LRP1B: variants seen among roughly 807,000 people sequenced by gnomAD.
The protein encoded by LRP1B is LDL receptor related protein 1B.
A neutral mutation model predicts 556.6 loss-of-function variants in LRP1B; 217 were observed. That is an observed-to-expected ratio of 0.39 (90% CI 0.35 to 0.44). LRP1B has a LOEUF of 0.44. Among genes scored for constraint, LRP1B ranks in the 20% least tolerant of loss-of-function variants. The pLI is 1.00. For missense variants in LRP1B, 5,053 were observed against 5,620.8 expected (o/e 0.90, Z 3.23); for synonymous variants, 2,047 against 1,865.8 (o/e 1.10, Z -2.50).
chr2:140,281,107 C>A (rs1682894802), intron 84 of LRP1B, among the ~76,000 whole-genome samples: 2 of 151,476 alleles, frequency 1.3e-5, no homozygotes, highest in Admixed American at 1.3e-4. Context: ...ATTGCACACT[C>A]TCTCTTTTTC....
intron 77 of LRP1B, among the ~76,000 whole-genome samples, chr2:140,337,684 T>C (rs1681167251): frequency 6.6e-6 from 1 of 151,880 alleles, no homozygotes; most frequent in South Asian, 2.1e-4. Context: ...ATAAAACTTA[T>C]AATGCCCTTT....
intron 3 of LRP1B, among the ~76,000 whole-genome samples, chr2:141,365,482 GT>G (rs34195312): frequency 0.14 from 18,885 of 138,222 alleles, 1,036 homozygotes; most frequent in Admixed American, 0.18. Context: ...GCTTAGAAGT[GT>G]TTTTTTTTTT....
At chr2:141,805,263 T>C (rs187512693) in intron 2 of LRP1B, 1 of 152,236 alleles carries the variant, frequency 6.6e-6, no homozygotes, top group East Asian at 1.9e-4. Context: ...ACTGTGGATA[T>C]GGGACTGAGT....
chr2:141,280,565 C>G (rs954253278), intron 3 of LRP1B, among the ~76,000 whole-genome samples: 1 of 151,784 alleles, frequency 6.6e-6, no homozygotes, highest in African/African-American at 2.4e-5. Flanking sequence ...AAATAATTTT[C>G]TATTCTAGAT....
At position 140,925,381 on chromosome 2, in the gene LRP1B, G is replaced by T. The variant is rs184092109; in HGVS notation, c.3137-2234C>A. On this transcript the variant is annotated intron_variant, in intron 20 of 90. Coordinates refer to ENST00000389484, the MANE Select transcript of LRP1B (RefSeq NM_018557.3). ...AGAGACAACTCAGATAGACCTCCAA[G>T]GCCCAATCAGCTCTGTGCATCACTC... is the stretch of plus-strand genomic sequence containing the variant. 1.6e-3 allele frequency among the ~76,000 whole-genome samples: 243 copies of T among 152,208 alleles called. 1 individual carries two copies. The highest frequency in any genetic ancestry group is 5.6e-3 in the African/African-American group (233 of 41,542).
At chr2:141,195,136 G>A (rs1293342070) in intron 6 of LRP1B, among the ~76,000 whole-genome samples, 1 of 152,096 alleles carries the variant, frequency 6.6e-6, no homozygotes, top group African/African-American at 2.4e-5. Context: ...CTGAGGGTAA[G>A]TCACAAAAGG....
At chr2:140,600,779 T>G (rs1213928310) in intron 42 of LRP1B, among the ~76,000 whole-genome samples, 1 of 128,644 alleles carries the variant, frequency 7.8e-6, no homozygotes, top group African/African-American at 3.0e-5. Context: ...TTTTTTTTTT[T>G]TTTTTTTTTT....
At chr2:141,367,077 A>G (rs563767394) in intron 3 of LRP1B, among the ~76,000 whole-genome samples, 1 of 152,346 alleles carries the variant, frequency 6.6e-6, no homozygotes, top group Non-Finnish European at 1.5e-5. Flanking sequence ...ATAGTGGGCA[A>G]CAGAGCTAAA....
At chr2:141,734,733 G>T (rs7576403) in intron 2 of LRP1B, among the ~76,000 whole-genome samples, 3,174 of 152,154 alleles carry the variant, frequency 0.021, 128 homozygotes, top group African/African-American at 0.073. Flanking sequence ...TGGATGATAA[G>T]AAGTGCTGCA....
intron 1 of LRP1B, among the ~76,000 whole-genome samples, chr2:142,026,282 T>C (rs1703499325): frequency 6.6e-6 from 1 of 152,118 alleles, no homozygotes; most frequent in African/African-American, 2.4e-5. Flanking sequence ...ATGCCTGTGC[T>C]TCAATCAAGT....
intron 60 of LRP1B, 101 bp from the exon 61 acceptor site, chr2:140,457,752 C>G: frequency 1.1e-6 from 1 of 916,300 alleles, no homozygotes; most frequent in East Asian, 2.5e-5. Context: ...TACATAACTT[C>G]GTGTGAATAA....
chr2:141,432,493 G>A (rs918715734), intron 3 of LRP1B, among the ~76,000 whole-genome samples: 4 of 152,016 alleles, frequency 2.6e-5, no homozygotes, highest in African/African-American at 4.8e-5. Flanking sequence ...TTTTAAAATA[G>A]TTTGCAAACA....
chr2:141,994,939 G>T (rs1382754005), intron 1 of LRP1B, among the ~76,000 whole-genome samples: 1 of 152,014 alleles, frequency 6.6e-6, no homozygotes, highest in South Asian at 2.1e-4. Context: ...AGCTGAAGGG[G>T]TATTAGCACA....
intron 41 of LRP1B, among the ~76,000 whole-genome samples, chr2:140,698,015 C>T (rs574105751): frequency 1.1e-4 from 16 of 151,764 alleles, no homozygotes; most frequent in African/African-American, 3.4e-4. Flanking sequence ...TGAGTGTACA[C>T]TTTTTGGTGC....
intron 66 of LRP1B, among the ~76,000 whole-genome samples, chr2:140,400,598 T>C (rs1271984614): frequency 6.6e-6 from 1 of 152,182 alleles, no homozygotes; most frequent in Admixed American, 6.5e-5. Context: ...CAATCATGCA[T>C]TGAAGGTGGC....
At chr2:141,872,926 T>G (rs1698636900) in intron 1 of LRP1B, among the ~76,000 whole-genome samples, 1 of 152,022 alleles carries the variant, frequency 6.6e-6, no homozygotes, top group African/African-American at 2.4e-5. Flanking sequence ...AAAACACATT[T>G]AAGCGTGCAA....
At chr2:140,429,424 C>T (rs1479750743) in intron 66 of LRP1B, among the ~76,000 whole-genome samples, 1 of 152,124 alleles carries the variant, frequency 6.6e-6, no homozygotes, top group Non-Finnish European at 1.5e-5. Context: ...CACCCTTCAT[C>T]CCAGCCTCTC....
chr2:140,858,606 A>G (rs1692692023), intron 27 of LRP1B, among the ~76,000 whole-genome samples: 1 of 152,090 alleles, frequency 6.6e-6, no homozygotes. Flanking sequence ...TCCAGGGTAC[A>G]TGTGTAGGAT....
intron 29 of LRP1B, among the ~76,000 whole-genome samples, chr2:140,846,155 G>A (rs1291551177): frequency 6.6e-6 from 1 of 152,150 alleles, no homozygotes; most frequent in Non-Finnish European, 1.5e-5. Context: ...AGCAATAGGG[G>A]AAGTCAAAAG....
Sources: gnomAD v4.1 joint callset for allele counts (sites outside exome capture counted in the v4.1 genomes callset) on GRCh38, gnomAD v4.1.1 for gene constraint, MANE v1.5 for transcripts, NCBI Gene and HGNC (gene_info 2026-07-23, HGNC 2026-07-21) for gene names.